The following ARHGAP24 variants were observed in gnomAD, a reference collection of about 807,000 sequenced individuals.
The protein encoded by ARHGAP24 is Rho GTPase activating protein 24.
ARHGAP24 carries 50 observed loss-of-function variants against 76.4 expected under a neutral mutation model. The ratio of observed to expected loss-of-function variants is 0.65; its 90% CI spans 0.52 to 0.83. The LOEUF (loss-of-function observed/expected upper bound fraction) is 0.83, where lower values mean the gene tolerates loss of function less well. Among genes scored for constraint, ARHGAP24 ranks in the 40% least tolerant of loss-of-function variants. The pLI is 0.00. For missense variants in ARHGAP24, 930 were observed against 914.2 expected (o/e 1.02, Z -0.22); for synonymous variants, 345 against 323.3 (o/e 1.07, Z -0.72).
chr4:85,663,382 T>C (rs1199721111), intron 2 of ARHGAP24, among the ~76,000 whole-genome samples: 2 of 139,530 alleles, frequency 1.4e-5, no homozygotes, highest in African/African-American at 5.2e-5. Flanking sequence ...TCCTGAGACT[T>C]TGCTGAAGTT....
chr4:85,932,951 G>A lies in ARHGAP24; in HGVS notation c.392-9115G>A, dbSNP rs535088499. ...TGCTCTTGCTGCAGTCATCACTCAG[G>A]GCAGCAGCAGCATGACGCACAGGAG... On this transcript the variant is annotated intron_variant, in intron 4 of 9. Transcript: ENST00000395184. Among the ~76,000 whole-genome samples the A allele has an allele frequency of 2.6e-5, 4 of 152,208 alleles. No homozygotes were observed. In the South Asian group the frequency reaches 8.3e-4, roughly 32 times the overall value.
At chr4:85,623,681 C>T (rs1011591358) in intron 2 of ARHGAP24, among the ~76,000 whole-genome samples, 1 of 151,648 alleles carries the variant, frequency 6.6e-6, no homozygotes, top group African/African-American at 2.4e-5. Flanking sequence ...TTACCATGGG[C>T]AGTATGGCCA....
chr4:85,632,252 A>C (rs1004817950), intron 2 of ARHGAP24, among the ~76,000 whole-genome samples: 1 of 151,992 alleles, frequency 6.6e-6, no homozygotes, highest in African/African-American at 2.4e-5. Context: ...AACTTGGCTT[A>C]TATTACTGTT....
At chr4:85,739,665 C>T (rs1268902284) in intron 3 of ARHGAP24, among the ~76,000 whole-genome samples, 1 of 1,258 alleles carries the variant, frequency 7.9e-4, no homozygotes, top group African/African-American at 8.1e-4. Context: ...CTCGCTCTGT[C>T]GCCCAGGCTG....
chr4:85,979,483 C>T (rs545628845), intron 8 of ARHGAP24, among the ~76,000 whole-genome samples: 4 of 152,142 alleles, frequency 2.6e-5, no homozygotes, highest in African/African-American at 9.6e-5. Flanking sequence ...AACACGAACT[C>T]CCCTTTCCCT....
intron 3 of ARHGAP24, among the ~76,000 whole-genome samples, chr4:85,902,281 G>T (rs1300212259): frequency 2.6e-5 from 4 of 152,158 alleles, no homozygotes; most frequent in Admixed American, 1.3e-4. Flanking sequence ...CCCTGAAGAT[G>T]TTTAAAATCT....
intron 3 of ARHGAP24, among the ~76,000 whole-genome samples, chr4:85,921,440 TAGTACCTG>T (rs1479348107): frequency 3.9e-5 from 6 of 152,020 alleles, no homozygotes; most frequent in African/African-American, 1.4e-4. Context: ...GTACTAGGCT[TAGTACCTG>T]GGTGATGAAA....
At chr4:85,976,719 G>A (rs1052108471) in intron 7 of ARHGAP24, among the ~76,000 whole-genome samples, 1 of 150,368 alleles carries the variant, frequency 6.7e-6, no homozygotes, top group Non-Finnish European at 1.5e-5. Context: ...GAAACAGTTT[G>A]CATTTGCAAT....
At chr4:85,821,543 T>G (rs537041772) in intron 3 of ARHGAP24, among the ~76,000 whole-genome samples, 1 of 152,286 alleles carries the variant, frequency 6.6e-6, no homozygotes, top group African/African-American at 2.4e-5. Flanking sequence ...GCCTGTTTAA[T>G]TTTTTAAAAA....
At chr4:85,617,550 A>C (rs1413750671) in intron 2 of ARHGAP24, among the ~76,000 whole-genome samples, 2 of 152,142 alleles carry the variant, frequency 1.3e-5, no homozygotes, top group African/African-American at 2.4e-5. Context: ...TTATTGATAT[A>C]GACATACAGT....
At chr4:85,999,128 T>A (rs12507178) in intron 9 of ARHGAP24, among the ~76,000 whole-genome samples, 31,741 of 152,144 alleles carry the variant, frequency 0.21, 3,593 homozygotes, top group South Asian at 0.4. Context: ...AAGCACCTGA[T>A]ACATACAAAT....
At chr4:85,947,219 A>G (rs1278811719) in intron 5 of ARHGAP24, among the ~76,000 whole-genome samples, 1 of 152,030 alleles carries the variant, frequency 6.6e-6, no homozygotes, top group Non-Finnish European at 1.5e-5. Flanking sequence ...TTCCTTATAG[A>G]TTCTGGATAA....
At chr4:85,660,794 C>CAAAAA (rs34228407) in intron 2 of ARHGAP24, among the ~76,000 whole-genome samples, 1,279 of 59,296 alleles carry the variant, frequency 0.022, 183 homozygotes, top group African/African-American at 0.065. Flanking sequence ...GACTCCGTCT[C>CAAAAA]AAAAAAAAAA....
chr4:85,691,842 G>C (rs1578144476), intron 2 of ARHGAP24, among the ~76,000 whole-genome samples: 1 of 152,206 alleles, frequency 6.6e-6, no homozygotes, highest in East Asian at 1.9e-4. Context: ...TTTACTTTCA[G>C]GGTTAGTATT....
intron 2 of ARHGAP24, among the ~76,000 whole-genome samples, chr4:85,588,715 A>G (rs1727964365): frequency 6.6e-6 from 1 of 152,246 alleles, no homozygotes; most frequent in African/African-American, 2.4e-5. Flanking sequence ...TTTCTGAGAT[A>G]GTTTTAAATA....
intron 2 of ARHGAP24, among the ~76,000 whole-genome samples, chr4:85,580,671 A>G (rs1198885564): frequency 6.6e-6 from 1 of 152,180 alleles, no homozygotes; most frequent in Non-Finnish European, 1.5e-5. Flanking sequence ...AAACTGAGGC[A>G]AGAACTCCCA....
intron 2 of ARHGAP24, among the ~76,000 whole-genome samples, chr4:85,669,644 AATATATATATATATATATATATATATAT>A (rs58332235): frequency 0.42 from 39,508 of 93,600 alleles, 7,942 homozygotes; most frequent in East Asian, 0.84. Context: ...TGTACTTTCA[AATATATATATATATATATATATATATAT>A]ATATATATAT....
At chr4:85,527,578 G>A (rs1725062767) in intron 1 of ARHGAP24, among the ~76,000 whole-genome samples, 1 of 151,974 alleles carries the variant, frequency 6.6e-6, no homozygotes, top group African/African-American at 2.4e-5. Context: ...TCTTGCATAT[G>A]GAAAATTTTA....
chr4:85,751,907 T>A (rs1726278843), intron 3 of ARHGAP24, among the ~76,000 whole-genome samples: 1 of 152,160 alleles, frequency 6.6e-6, no homozygotes, highest in Non-Finnish European at 1.5e-5. Flanking sequence ...CCTTAAAAAA[T>A]ACATGAGACA....
Sources: gnomAD v4.1 joint callset for allele counts (sites outside exome capture counted in the v4.1 genomes callset) on GRCh38, gnomAD v4.1.1 for gene constraint, MANE v1.5 for transcripts, NCBI Gene and HGNC (gene_info 2026-07-23, HGNC 2026-07-21) for gene names.